Variants in TRIM5 observed in about 807,000 individuals in gnomAD.
TRIM5 encodes the protein tripartite motif-containing protein 5.
In TRIM5, 31 loss-of-function variants were observed where a neutral mutation model predicts 35.6. The observed-to-expected ratio is 0.87, with a 90% CI of 0.65 to 1.18. The LOEUF (loss-of-function observed/expected upper bound fraction) is 1.18, where lower values mean the gene tolerates loss of function less well. TRIM5 is among the 50% of genes most tolerant of loss of function. The probability of loss-of-function intolerance (pLI) is 0.00; values close to 1 mark genes in which losing one functional copy is unlikely to be tolerated. For synonymous variants in TRIM5, 243 were observed against 215.6 expected, an observed-to-expected ratio of 1.13 and a Z score of -1.11; for missense variants, 609 against 591.6, an observed-to-expected ratio of 1.03 and a Z score of -0.31.
At chr11:5,643,832 G>T in the TRIM5 span, 1 of 1,278,174 alleles carries the variant, frequency 7.8e-7, no homozygotes, top group Admixed American at 2.4e-5. Flanking sequence ...ACTCATCCTT[G>T]AGATGTATGG....
At chr11:5,643,314 A>G in the TRIM5 span, 1 of 1,614,086 alleles carries the variant, frequency 6.2e-7, no homozygotes, top group South Asian at 1.1e-5. Context: ...CGTGTCCAAG[A>G]AAACTGCCTG....
downstream of TRIM5, among the ~76,000 whole-genome samples, chr11:5,658,442 C>T (rs141410287): frequency 2.5e-3 from 375 of 152,260 alleles, 1 homozygote; most frequent in Middle Eastern, 0.01. Flanking sequence ...TTTTCTGATA[C>T]GTTAAGGCAA....
At chr11:5,631,759 G>GT in the TRIM5 span, among the ~76,000 whole-genome samples, 2 of 152,044 alleles carry the variant, frequency 1.3e-5, no homozygotes, top group African/African-American at 4.8e-5. Context: ...AGACAGGGAA[G>GT]TTTTTTTTAT....
chr11:5,598,007 T>G, the TRIM5 span, among the ~76,000 whole-genome samples: 2 of 152,226 alleles, frequency 1.3e-5, no homozygotes, highest in African/African-American at 4.8e-5. Flanking sequence ...GTGTTGCTAG[T>G]TAGCAGACCT....
chr11:5,684,706 G>A (rs1441947141), intron 1 of TRIM5, among the ~76,000 whole-genome samples, 162 bp downstream of exon 1: 1 of 152,138 alleles, frequency 6.6e-6, no homozygotes, highest in Admixed American at 6.5e-5. Context: ...AAAATAACCA[G>A]CCTTCGGGAA....
the TRIM5 span, among the ~76,000 whole-genome samples, chr11:5,592,326 C>T: frequency 6.6e-6 from 1 of 152,106 alleles, no homozygotes; most frequent in African/African-American, 2.4e-5. Context: ...AGGGACTGTC[C>T]TAAGTACTCC....
chr11:5,663,039 A>T (rs1448974236), downstream of TRIM5, among the ~76,000 whole-genome samples: 2 of 152,132 alleles, frequency 1.3e-5, no homozygotes, highest in Non-Finnish European at 2.9e-5. Flanking sequence ...CTGAGGTGGA[A>T]GGATGAACCC....
At chr11:5,668,536 G>A (rs929810828) in intron 4 of TRIM5, among the ~76,000 whole-genome samples, 1 of 151,566 alleles carries the variant, frequency 6.6e-6, no homozygotes, top group African/African-American at 2.4e-5. Flanking sequence ...TGCAACCTCC[G>A]CCTCCCGGGT....
At chr11:5,634,785 A>G in the TRIM5 span, 1 of 1,614,000 alleles carries the variant, frequency 6.2e-7, no homozygotes, top group Non-Finnish European at 8.5e-7. Flanking sequence ...GAGCTAGTTC[A>G]GCAGAAGCAG....
At position 5,664,507 on chromosome 11, in the gene TRIM5, T is replaced by C. The variant is rs539263492; in HGVS notation, c.*302A>G. ...CTTCTTAGTCAGTGTCAGAGGCAAT[T>C]GGGTGATAAATATCTGGCAGAAGTA... On this transcript the variant is annotated 3_prime_UTR_variant, in exon 8 of 8. Transcript: ENST00000380034. The C allele has an allele frequency of 1.4e-3, 1,564 of 1,084,232 alleles. 57 individuals carry two copies. In the South Asian group the frequency reaches 0.05, roughly 34 times the overall value. The allele number at this position is 1,084,232 out of a possible 1,614,324, so 67.2% of individuals were successfully genotyped here. A position where few individuals can be genotyped will look rare whatever the true frequency, so the allele number is the denominator to read the frequency against.
At chr11:5,603,804 C>A in the TRIM5 span, 1 of 1,563,748 alleles carries the variant, frequency 6.4e-7, no homozygotes, top group East Asian at 2.3e-5. Flanking sequence ...TTTTATCATG[C>A]TCTGATCTAA....
At chr11:5,679,739 TC>T (rs2134117323) in intron 2 of TRIM5, 21 bp downstream of exon 2, 1 of 1,540,044 alleles carries the variant, frequency 6.5e-7, no homozygotes, top group East Asian at 2.3e-5. Flanking sequence ...TGCCCTCTCT[TC>T]CTTCCATCCC....
At position 5,665,665 on chromosome 11, in the gene TRIM5, G is replaced by A. The variant is rs761464900; in HGVS notation, c.886C>T (p.Arg296Cys). 1.3e-5 allele frequency: 20 copies of A among 1,530,690 alleles called. No individual in the cohort carries two copies. Among genetic ancestry groups the A allele is most frequent in the Middle Eastern group, 1.8e-4 (1 of 5,698 alleles). 94.8% of individuals were successfully genotyped at this position (1,530,690 alleles called of 1,614,324 possible). The change falls in exon 7 of 8, where the codon CGC becomes TGC. Residue 296 changes from arginine (R) to cysteine (C), a missense_variant. Transcript: ENST00000380034. ...TGTGACTTCTCCTTACCCCAGTAGC[G>A]TCGGACATCTGTCAGCTCTGAAATG... is the stretch of plus-strand genomic sequence containing the variant. ...EVFRELTDVRRYWVDVTVAPN... is the reference protein window; with the variant it reads ...EVFRELTDVRCYWVDVTVAPN...
Position 5,663,493 on chromosome 11 carries a change from T to C in TRIM5, c.*1316A>G. The C allele has an allele frequency of 1.0e-6, 1 of 985,316 alleles. No individual in the cohort carries two copies. Among genetic ancestry groups the C allele is most frequent in the African/African-American group, 1.7e-5 (1 of 57,368 alleles). 61.0% of individuals were successfully genotyped at this position (985,316 alleles called of 1,614,324 possible). The stretch of plus-strand genomic sequence containing the variant: ...AAGGCACAACCTGTTCCATGAGACA[T>C]TAACAGAGTTTATGTTTTTCAATAA... On this transcript the variant is annotated 3_prime_UTR_variant, in exon 8 of 8. Transcript: ENST00000380034.
the TRIM5 span, among the ~76,000 whole-genome samples, chr11:5,606,721 A>T: frequency 6.6e-6 from 1 of 152,022 alleles, no homozygotes; most frequent in African/African-American, 2.4e-5. Flanking sequence ...AACTGTAAAT[A>T]TTTTTTAAAT....
the TRIM5 span, among the ~76,000 whole-genome samples, chr11:5,654,088 C>G: frequency 6.6e-6 from 1 of 151,844 alleles, no homozygotes; most frequent in Non-Finnish European, 1.5e-5. Flanking sequence ...TATTGCCTAC[C>G]TGTATTGTCT....
At chr11:5,639,785 AAGAG>A in the TRIM5 span, among the ~76,000 whole-genome samples, 53 of 151,468 alleles carry the variant, frequency 3.5e-4, no homozygotes, top group Admixed American at 3.4e-3. Context: ...CATCTGTAAA[AAGAG>A]AGAGATTTAC....
chr11:5,590,232 C>T, the TRIM5 span: 2 of 168,200 alleles, frequency 1.2e-5, no homozygotes, highest in East Asian at 1.8e-4. Flanking sequence ...GGCGCCCAGT[C>T]CCATCGACCA....
chr11:5,602,374 C>T, the TRIM5 span, among the ~76,000 whole-genome samples: 1,079 of 151,846 alleles, frequency 7.1e-3, 17 homozygotes, highest in African/African-American at 0.024. Flanking sequence ...ACCCAGGAGG[C>T]GGAGCTTGCA....
Sources: gnomAD v4.1 joint callset for allele counts (sites outside exome capture counted in the v4.1 genomes callset) on GRCh38, gnomAD v4.1.1 for gene constraint, MANE v1.5 for transcripts, NCBI Gene and HGNC (gene_info 2026-07-23, HGNC 2026-07-21) for gene names.